Variants in NIFK observed in about 807,000 individuals in gnomAD.
NIFK encodes nucleolar protein interacting with the FHA domain of MKI67, also known as MKI67 FHA domain-interacting nucleolar phosphoprotein.
Under a neutral mutation model 31.7 loss-of-function variants are expected in NIFK, and 16 were observed. The observed-to-expected ratio is 0.50, with a 90% CI of 0.34 to 0.77. NIFK has a LOEUF of 0.77. NIFK is among the 30% of genes least tolerant of loss of function. NIFK has a pLI of 0.01. For missense variants in NIFK, 341 were observed against 350.4 expected, an observed-to-expected ratio of 0.97 and a Z score of 0.21; for synonymous variants, 126 against 123.0, an observed-to-expected ratio of 1.02 and a Z score of -0.16.
chr2:121,736,558 G>A (rs1422628088), intron 1 of NIFK, among the ~76,000 whole-genome samples, 188 bp downstream of exon 1: 3 of 152,204 alleles, frequency 2.0e-5, no homozygotes, highest in Non-Finnish European at 4.4e-5. Flanking sequence ...CTTTCGTCTC[G>A]GAAACCGTGG....
chr2:121,733,914 T>G (rs894603758), intron 2 of NIFK, among the ~76,000 whole-genome samples: 1 of 152,240 alleles, frequency 6.6e-6, no homozygotes, highest in Non-Finnish European at 1.5e-5. Flanking sequence ...CAAAATACTC[T>G]TCTAGAAAAT....
chr2:121,729,718 C>T (rs1335295938), intron 4 of NIFK, among the ~76,000 whole-genome samples: 1 of 152,174 alleles, frequency 6.6e-6, no homozygotes, highest in Non-Finnish European at 1.5e-5. Context: ...GCACACACTA[C>T]CTCAACTGGC....
chr2:121,732,952 T>C (rs893758671), intron 2 of NIFK, among the ~76,000 whole-genome samples: 6 of 150,282 alleles, frequency 4.0e-5, no homozygotes, highest in African/African-American at 1.5e-4. Flanking sequence ...CATGGTGACA[T>C]GTACCTGTAA....
Position 121,727,607 on chromosome 2 carries a change from G to A in NIFK, c.*117C>T, listed in dbSNP as rs984750547. The stretch of plus-strand genomic sequence containing the variant: ...CTGCTTTCCTTAACTTGACCAAACA[G>A]TGTATTTTTCCTCTGAAAATCTTGT... On this transcript the variant is annotated 3_prime_UTR_variant, in exon 7 of 7. Transcript: ENST00000285814. 2.3e-6 allele frequency: 2 copies of A among 869,222 alleles called. No individual in the cohort carries two copies. Among genetic ancestry groups the A allele is most frequent in the Non-Finnish European group, 3.7e-6 (2 of 539,908 alleles). 53.8% of individuals were successfully genotyped at this position (869,222 alleles called of 1,614,324 possible).
chr2:121,735,861 T>C lies in NIFK; in HGVS notation c.106-111A>G, dbSNP rs551169762. On this transcript the variant is annotated intron_variant, in intron 1 of 6. Transcript: ENST00000285814. ...TATTCTGCATTTCCACTTACCACAG[T>C]AGTAATTAAAGAACTGGCTGTTTAG... 57 of 838,190 alleles carry C rather than the reference T, an allele frequency of 6.8e-5. No individual in the cohort carries two copies. The South Asian group carries it at 8.7e-4, about 13-fold the overall frequency. The allele number at this position is 838,190 out of a possible 1,614,324, so 51.9% of individuals were successfully genotyped here. A position where few individuals can be genotyped will look rare whatever the true frequency, so the allele number is the denominator to read the frequency against.
At chr2:121,730,645 A>G (rs1021588675) in intron 4 of NIFK, 5 of 436,334 alleles carry the variant, frequency 1.1e-5, no homozygotes, top group African/African-American at 1.0e-4. Context: ...GGAGTTCGAG[A>G]CCAGCCTGGC....
Position 121,735,637 on chromosome 2 carries a change from C to T in NIFK, c.219G>A (p.Arg73=), listed in dbSNP as rs201570230. 20 of 1,612,172 alleles carry T rather than the reference C, an allele frequency of 1.2e-5. No individual in the cohort carries two copies. The African/African-American group carries it at 2.3e-4, about 18-fold the overall frequency. The change falls in exon 2 of 7, where the codon CGG becomes CGA. Residue 73 remains arginine (R), a synonymous_variant. Coordinates refer to ENST00000285814, the MANE Select transcript of NIFK (RefSeq NM_032390.5). Reference sequence around the variant, plus strand: ...CCCTTTTACTTCTGGACAGCCTGAACCGTGTCACAGTGCCAAACTGGGAGA... The same window carrying T: ...CCCTTTTACTTCTGGACAGCCTGAATCGTGTCACAGTGCCAAACTGGGAGA... ...SYFSQFGTVT[R]FRLSRSKRTG...
rs749947820 is a variant in NIFK, at chr2:121,736,855, A to G, written c.-5T>C. On this transcript the variant is annotated 5_prime_UTR_variant, in exon 1 of 7. Transcript: ENST00000285814. ...CGGGCCAGAAAAAGTCGCCATGCCA[A>G]AAGCCGCCGACGCTAACCACGCGGC... 6.2e-6 allele frequency: 10 copies of G among 1,612,824 alleles called. No individual in the cohort carries two copies. The African/African-American group carries it at 1.1e-4, about 17-fold the overall frequency.
intron 2 of NIFK, among the ~76,000 whole-genome samples, chr2:121,733,497 A>G (rs1054200572): frequency 6.6e-6 from 1 of 151,754 alleles, no homozygotes; most frequent in Non-Finnish European, 1.5e-5. Flanking sequence ...CCTGGGCAAC[A>G]GAGTGAGACT....
At chr2:121,735,574 T>C (rs902810901) in intron 2 of NIFK, 39 bp downstream of exon 2, 3 of 1,606,598 alleles carry the variant, frequency 1.9e-6, no homozygotes, top group Non-Finnish European at 2.6e-6. Context: ...AATACACATT[T>C]GAAAAACAAA....
rs983358227 is a variant in NIFK at position 121,729,140 on chromosome 2, T to C, written c.565-604A>G. Among the ~76,000 whole-genome samples the C allele has an allele frequency of 2.6e-5, 4 of 151,928 alleles. No individual in the cohort carries two copies. The East Asian group carries it at 7.7e-4, about 29-fold the overall frequency. ...ACTTGGGGAGGCCAAGGTGGGTGGATCATGAGGTCAGGAGTTCGAGACCAG... is the reference window on the plus strand; with the variant it reads ...ACTTGGGGAGGCCAAGGTGGGTGGACCATGAGGTCAGGAGTTCGAGACCAG... On this transcript the variant is annotated intron_variant, in intron 4 of 6. Coordinates refer to ENST00000285814, the MANE Select transcript of NIFK (RefSeq NM_032390.5).
At position 121,727,642 on chromosome 2, in the gene NIFK, T is replaced by C. The variant is rs181527159; in HGVS notation, c.*82A>G. On this transcript the variant is annotated 3_prime_UTR_variant, in exon 7 of 7. Transcript: ENST00000285814. ...CCTCTGAAAATCTTGTCAAAGGTTG[T>C]ATTCCATTGTACCTAGTGAAATACA... 3 of 1,042,496 alleles carry C rather than the reference T, an allele frequency of 2.9e-6. No homozygotes were observed. The highest frequency in any genetic ancestry group is 4.3e-6 in the Non-Finnish European group (3 of 692,040). The allele number at this position is 1,042,496 out of a possible 1,614,324, so 64.6% of individuals were successfully genotyped here.
Position 121,730,978 on chromosome 2 carries a change from C to A in NIFK, c.479G>T (p.Arg160Leu). Residue 160 changes from arginine (R) to leucine (L), a missense_variant, in exon 4 of 7, where the codon CGG (arginine) becomes CTG (leucine). Coordinates refer to ENST00000285814, the MANE Select transcript of NIFK (RefSeq NM_032390.5). ...TTTCTTTTTAAATCGCTCCTCCATCCGTAGCTTTTGTGTTAGTGTCCGATT... is the reference window on the plus strand; with the variant it reads ...TTTCTTTTTAAATCGCTCCTCCATCAGTAGCTTTTGTGTTAGTGTCCGATT... ...NRNRTLTQKL[R>L]MEERFKKKER... The A allele has an allele frequency of 3.1e-6, 5 of 1,613,292 alleles. No individual in the cohort carries two copies. The highest frequency in any genetic ancestry group is 1.7e-4 in the Middle Eastern group (1 of 5,784).
At chr2:121,734,466 T>C (rs753350433) in intron 2 of NIFK, among the ~76,000 whole-genome samples, 2 of 152,130 alleles carry the variant, frequency 1.3e-5, no homozygotes, top group South Asian at 2.1e-4. Flanking sequence ...CTAGTACATA[T>C]ATATATAGTA....
chr2:121,732,230 AG>A (rs2074546701), intron 2 of NIFK, 26 bp from the exon 3 acceptor site: 1 of 1,370,086 alleles, frequency 7.3e-7, no homozygotes, highest in African/African-American at 1.4e-5. Context: ...CGCCACAAAA[AG>A]TAGAACAATT....
chr2:121,735,592 A>G (rs779252020), intron 2 of NIFK, 21 bp downstream of exon 2: 1 of 1,611,318 alleles, frequency 6.2e-7, no homozygotes, highest in African/African-American at 1.3e-5. Flanking sequence ...AAAACATTAA[A>G]TCCAACTGCA....
chr2:121,729,355 G>GA (rs1011274663), intron 4 of NIFK, among the ~76,000 whole-genome samples: 10 of 141,060 alleles, frequency 7.1e-5, no homozygotes, highest in Non-Finnish European at 1.5e-4. Context: ...GCAACAGAGG[G>GA]AGACTCCATC....
In NIFK at chr2:121,728,513, AAT is replaced by A; in HGVS notation, c.586_587del (p.Ile196PhefsTer4). ...PSLILQKTES[I>X]SKTNRQTSTK... ...TAGACGTCTGACGATTAGTTTTTGA[AAT>A]ACTTTCCGTTTTCTGTAAAATCTTT... On this transcript the variant is annotated frameshift_variant, in exon 5 of 7. Transcript: ENST00000285814. LOFTEE classifies it high-confidence loss of function. 6.3e-7 allele frequency: 1 copy of A among 1,583,746 alleles called. No homozygotes were observed. The highest frequency in any genetic ancestry group is 8.6e-7 in the Non-Finnish European group (1 of 1,168,426).
In NIFK at chr2:121,727,743, C is replaced by G. The variant is rs370998435; in HGVS notation, c.863G>C (p.Arg288Pro). 1.3e-6 allele frequency: 2 copies of G among 1,599,562 alleles called. No individual in the cohort carries two copies. The highest frequency in any genetic ancestry group is 1.7e-6 in the Non-Finnish European group (2 of 1,176,502). The stretch of plus-strand genomic sequence containing the variant: ...TGAAAATCACTGATTGCTGCTTCTT[C>G]GTCTTTTTTTCCGTGAATGTGTAGG... ...QTPTHSRKKR[R>P]RSSNQ is the part of the protein sequence containing the mutation. The change falls in exon 7 of 7, where the codon CGA (arginine) becomes CCA (proline). Residue 288 changes from arginine (R) to proline (P), a missense_variant. By Grantham distance (103) the Arg-to-Pro change is moderately radical. Transcript: ENST00000285814.
Sources: gnomAD v4.1 joint callset for allele counts (sites outside exome capture counted in the v4.1 genomes callset) on GRCh38, gnomAD v4.1.1 for gene constraint, MANE v1.5 for transcripts, NCBI Gene and HGNC (gene_info 2026-07-23, HGNC 2026-07-21) for gene names.